PPP1R9A: variants seen among roughly 807,000 people sequenced by gnomAD.
The protein encoded by PPP1R9A is protein phosphatase 1 regulatory subunit 9A.
In PPP1R9A, 59 loss-of-function variants were observed where a neutral mutation model predicts 141.9. The ratio of observed to expected loss-of-function variants is 0.42; its 90% CI spans 0.34 to 0.52. The LOEUF (loss-of-function observed/expected upper bound fraction) is 0.52, where lower values mean the gene tolerates loss of function less well. PPP1R9A is among the 20% of genes least tolerant of loss of function. The pLI is 0.10. For synonymous variants in PPP1R9A, 500 were observed against 569.7 expected (o/e 0.88, Z 1.74); for missense variants, 1,444 against 1,611.9 (o/e 0.90, Z 1.78).
intron 2 of PPP1R9A, among the ~76,000 whole-genome samples, chr7:95,101,629 G>C (rs78821240): frequency 0.033 from 5,038 of 152,154 alleles, 132 homozygotes; most frequent in Non-Finnish European, 0.046. Flanking sequence ...GGCAACAAAG[G>C]GTAAAGAAAG....
intron 2 of PPP1R9A, chr7:95,036,638 T>C (rs918998611): frequency 3.3e-5 from 5 of 152,240 alleles, no homozygotes; most frequent in African/African-American, 1.2e-4. Context: ...AAAGCACTGC[T>C]AACACCTTGC....
chr7:94,951,551 A>G (rs2151032911), intron 2 of PPP1R9A, among the ~76,000 whole-genome samples: 1 of 152,192 alleles, frequency 6.6e-6, no homozygotes, highest in African/African-American at 2.4e-5. Context: ...ATGTTAAACC[A>G]CTTGAATTCA....
chr7:95,096,844 G>T (rs997696744), intron 2 of PPP1R9A, among the ~76,000 whole-genome samples: 2 of 151,910 alleles, frequency 1.3e-5, no homozygotes, highest in Admixed American at 1.3e-4. Flanking sequence ...CCCCCAACCC[G>T]CCTTATGTTT....
intron 7 of PPP1R9A, among the ~76,000 whole-genome samples, chr7:95,212,958 G>T (rs1792449567): frequency 6.6e-6 from 1 of 152,076 alleles, no homozygotes; most frequent in Admixed American, 6.6e-5. Flanking sequence ...TTAATCATAT[G>T]CTCTGAGATA....
intron 8 of PPP1R9A, among the ~76,000 whole-genome samples, chr7:95,242,160 A>G (rs1401967593): frequency 6.6e-6 from 1 of 152,192 alleles, no homozygotes; most frequent in Non-Finnish European, 1.5e-5. Context: ...GCAAAGCTTC[A>G]TCTTAACACC....
chr7:95,284,359 G>C (rs1804878071), intron 17 of PPP1R9A, 29 bp downstream of exon 17: 1 of 1,395,432 alleles, frequency 7.2e-7, no homozygotes, highest in African/African-American at 1.5e-5. Flanking sequence ...ACAATGCATG[G>C]TATTTCTTAT....
At chr7:94,944,538 G>C (rs981037597) in intron 2 of PPP1R9A, among the ~76,000 whole-genome samples, 4 of 142,004 alleles carry the variant, frequency 2.8e-5, no homozygotes, top group Non-Finnish European at 6.0e-5. Flanking sequence ...TTTACTTAAG[G>C]GGGAAGAGGG....
At chr7:94,960,169 C>CTT (rs545105548) in intron 2 of PPP1R9A, among the ~76,000 whole-genome samples, 7 of 139,544 alleles carry the variant, frequency 5.0e-5, no homozygotes, top group Admixed American at 1.4e-4. Flanking sequence ...CTCTCTCTCT[C>CTT]TTTTTTTTTT....
chr7:95,069,216 A>G (rs890699858), intron 2 of PPP1R9A, among the ~76,000 whole-genome samples: 1 of 152,170 alleles, frequency 6.6e-6, no homozygotes, highest in African/African-American at 2.4e-5. Context: ...TGTGAGGAGG[A>G]TAGTGTGTGT....
chr7:95,181,751 CAT>C (rs1181577924), intron 5 of PPP1R9A, among the ~76,000 whole-genome samples: 1 of 130,688 alleles, frequency 7.7e-6, no homozygotes, highest in Non-Finnish European at 1.6e-5. Flanking sequence ...TATTCCGTCA[CAT>C]ATATATAGAA....
chr7:95,198,591 T>G (rs1392126120), intron 6 of PPP1R9A, 107 bp downstream of exon 6: 6 of 1,305,790 alleles, frequency 4.6e-6, no homozygotes, highest in Middle Eastern at 2.0e-4. Flanking sequence ...GAGGAAGGTG[T>G]GTCCACATTG....
At chr7:95,055,285 C>G (rs894044204) in intron 2 of PPP1R9A, among the ~76,000 whole-genome samples, 1 of 151,714 alleles carries the variant, frequency 6.6e-6, no homozygotes, top group Non-Finnish European at 1.5e-5. Context: ...CTCCCCATTT[C>G]TGTTGAGAAC....
chr7:94,926,017 A>G (rs1309566399), intron 2 of PPP1R9A, among the ~76,000 whole-genome samples: 2 of 151,938 alleles, frequency 1.3e-5, no homozygotes, highest in African/African-American at 2.4e-5. Flanking sequence ...TTGTAGAGAC[A>G]GAGTCTCACT....
chr7:95,159,445 G>A (rs1267118794), intron 4 of PPP1R9A, among the ~76,000 whole-genome samples: 1 of 151,982 alleles, frequency 6.6e-6, no homozygotes, highest in Non-Finnish European at 1.5e-5. Context: ...TTCAAGTTCT[G>A]GGGTACATGT....
At chr7:95,216,056 G>A (rs1793337297) in intron 7 of PPP1R9A, among the ~76,000 whole-genome samples, 1 of 152,168 alleles carries the variant, frequency 6.6e-6, no homozygotes, top group Non-Finnish European at 1.5e-5. Flanking sequence ...CCATGCCTAT[G>A]TTCTGAATGG....
At chr7:94,955,005 A>G (rs970764910) in intron 2 of PPP1R9A, among the ~76,000 whole-genome samples, 2 of 151,922 alleles carry the variant, frequency 1.3e-5, no homozygotes, top group African/African-American at 4.8e-5. Context: ...AATTGCTCGT[A>G]TTTAGATTTT....
intron 4 of PPP1R9A, among the ~76,000 whole-genome samples, chr7:95,138,139 A>T (rs1021557367): frequency 5.9e-5 from 9 of 151,936 alleles, no homozygotes; most frequent in Non-Finnish European, 1.0e-4. Flanking sequence ...TCACCGTATT[A>T]GCCAGGATGG....
intron 2 of PPP1R9A, among the ~76,000 whole-genome samples, chr7:95,082,202 C>G (rs551291114): frequency 6.6e-6 from 1 of 151,892 alleles, no homozygotes; most frequent in Non-Finnish European, 1.5e-5. Flanking sequence ...GCAGTTAAAA[C>G]GAAAAATAGG....
intron 2 of PPP1R9A, among the ~76,000 whole-genome samples, chr7:94,951,361 T>C (rs899836378): frequency 6.6e-6 from 1 of 152,040 alleles, no homozygotes; most frequent in Admixed American, 6.6e-5. Flanking sequence ...GCATTTGGTG[T>C]TAATTTTTGT....
Sources: gnomAD v4.1 joint callset for allele counts (sites outside exome capture counted in the v4.1 genomes callset) on GRCh38, gnomAD v4.1.1 for gene constraint, MANE v1.5 for transcripts, NCBI Gene and HGNC (gene_info 2026-07-23, HGNC 2026-07-21) for gene names.